Variants in ITIH5 observed in about 807,000 individuals in gnomAD.
The protein encoded by ITIH5 is inter-alpha-trypsin inhibitor heavy chain 5, also known as inter-alpha-trypsin inhibitor heavy chain H5.
In ITIH5, 65 loss-of-function variants were observed where a neutral mutation model predicts 77.5. The ratio of observed to expected loss-of-function variants is 0.84; its 90% CI spans 0.69 to 1.03. ITIH5 has a LOEUF of 1.03. ITIH5 is among the 50% of genes least tolerant of loss of function. The probability of loss-of-function intolerance (pLI) is 0.00; values close to 1 mark genes in which losing one functional copy is unlikely to be tolerated. For missense variants in ITIH5, 1,208 were observed against 1,213.1 expected (o/e 1.00, Z 0.06); for synonymous variants, 525 against 494.3 (o/e 1.06, Z -0.82).
At chr10:7,595,510 A>G (rs1254508560) in intron 7 of ITIH5, among the ~76,000 whole-genome samples, 1 of 152,178 alleles carries the variant, frequency 6.6e-6, no homozygotes, top group African/African-American at 2.4e-5. Flanking sequence ...CACAAAGGAT[A>G]GAGATTACTC....
At chr10:7,646,020 T>A (rs896295852) in intron 2 of ITIH5, among the ~76,000 whole-genome samples, 1 of 152,250 alleles carries the variant, frequency 6.6e-6, no homozygotes, top group Non-Finnish European at 1.5e-5. Context: ...CTGTGTTATT[T>A]CTGGAACAGG....
At chr10:7,575,700 G>C (rs993360042) in intron 10 of ITIH5, among the ~76,000 whole-genome samples, 1 of 151,982 alleles carries the variant, frequency 6.6e-6, no homozygotes, top group African/African-American at 2.4e-5. Context: ...TCCGTACCTT[G>C]GTCCTTCCCA....
intron 7 of ITIH5, among the ~76,000 whole-genome samples, chr10:7,615,598 G>C (rs755578266): frequency 3.3e-5 from 5 of 152,150 alleles, no homozygotes; most frequent in Non-Finnish European, 7.4e-5. Flanking sequence ...TGTGACCTGA[G>C]TTCTTTATTC....
At chr10:7,581,873 T>A (rs1325146758) in intron 8 of ITIH5, among the ~76,000 whole-genome samples, 3 of 89,586 alleles carry the variant, frequency 3.3e-5, no homozygotes, top group East Asian at 2.7e-4. Context: ...CCCATGTATT[T>A]TTTTTTTTTT....
rs180797664 is a variant in ITIH5 at position 7,612,933 on chromosome 10, G to A, written c.939+3049C>T. ...AATGTCACAAAACAACTTGGTCAAC[G>A]AATGGCATTTAAGAACTTGTAGTAC... On this transcript the variant is annotated intron_variant, in intron 7 of 13. Coordinates refer to ENST00000397146, the MANE Select transcript of ITIH5 (RefSeq NM_030569.7). Among the ~76,000 whole-genome samples, 727 of 152,254 alleles carry A rather than the reference G, an allele frequency of 4.8e-3. 18 individuals carry two copies. Among genetic ancestry groups the A allele is most frequent in the Admixed American group, 0.024 (360 of 15,276 alleles).
chr10:7,581,244 A>G (rs1232682260), intron 8 of ITIH5, among the ~76,000 whole-genome samples: 2 of 151,994 alleles, frequency 1.3e-5, no homozygotes, highest in African/African-American at 4.8e-5. Context: ...TGGGAAACAG[A>G]GTGAGACGCG....
intron 7 of ITIH5, among the ~76,000 whole-genome samples, chr10:7,586,310 C>T (rs1033714463): frequency 1.3e-5 from 2 of 152,186 alleles, no homozygotes; most frequent in Non-Finnish European, 2.9e-5. Flanking sequence ...CGCCACGGTA[C>T]TTCGGGCCTC....
chr10:7,569,969 C>A, intron 11 of ITIH5, 185 bp from the exon 12 acceptor site: 2 of 509,566 alleles, frequency 3.9e-6, no homozygotes, highest in Non-Finnish European at 6.9e-6. Flanking sequence ...CCCAGAATTA[C>A]CCAGTGAGTT....
intron 7 of ITIH5, among the ~76,000 whole-genome samples, chr10:7,614,398 C>T (rs1833321837): frequency 6.6e-6 from 1 of 152,248 alleles, no homozygotes; most frequent in African/African-American, 2.4e-5. Context: ...GGCCCACAGG[C>T]CACATGCAGC....
In ITIH5 at chr10:7,563,088, G is replaced by A. The variant is rs1832069168; in HGVS notation, c.2824C>T (p.Leu942Phe). Reference protein sequence around the residue: ...MTLGRGMSREL With the variant: ...MTLGRGMSREF ...CATCTTTAAGGCTGCCAGCTTCAGA[G>A]CTCCCTGGACATTCCCCGGCCAAGT... The change falls in exon 14 of 14, where the codon CTC (leucine) becomes TTC (phenylalanine). Residue 942 changes from leucine to phenylalanine, a missense_variant. Coordinates refer to ENST00000397146, the MANE Select transcript of ITIH5 (RefSeq NM_030569.7). 1 of 1,612,778 alleles carries A rather than the reference G, an allele frequency of 6.2e-7. No homozygotes were observed. The highest frequency in any genetic ancestry group is 8.5e-7 in the Non-Finnish European group (1 of 1,179,480).
chr10:7,564,523 G>A (rs1832101244), intron 13 of ITIH5, among the ~76,000 whole-genome samples: 1 of 152,078 alleles, frequency 6.6e-6, no homozygotes, highest in Admixed American at 6.5e-5. Flanking sequence ...ATTGCCTGCA[G>A]TAGTCCATGC....
At chr10:7,571,880 T>C (rs536120863) in intron 11 of ITIH5, 1 of 713,512 alleles carries the variant, frequency 1.4e-6, no homozygotes, top group African/African-American at 1.9e-5. Flanking sequence ...ATTTTTGATC[T>C]GTTGTTGGTT....
chr10:7,628,694 T>C (rs1339855358), intron 5 of ITIH5, among the ~76,000 whole-genome samples: 1 of 129,966 alleles, frequency 7.7e-6, no homozygotes, highest in Non-Finnish European at 1.8e-5. Context: ...CGTGTGTCCA[T>C]GTTGCAGCGT....
intron 7 of ITIH5, among the ~76,000 whole-genome samples, chr10:7,606,975 A>C (rs1833138586): frequency 6.6e-6 from 1 of 152,136 alleles, no homozygotes; most frequent in Non-Finnish European, 1.5e-5. Context: ...ATCATTTATT[A>C]CCTCATATTC....
chr10:7,648,994 ACAG>A (rs1419798239), intron 2 of ITIH5, among the ~76,000 whole-genome samples: 6 of 152,232 alleles, frequency 3.9e-5, no homozygotes, highest in African/African-American at 1.4e-4. Flanking sequence ...CTGACATACC[ACAG>A]CCTGGCCCTT....
At chr10:7,649,164 T>TCCTTCC (rs1222931121) in intron 2 of ITIH5, among the ~76,000 whole-genome samples, 3 of 152,074 alleles carry the variant, frequency 2.0e-5, no homozygotes, top group Admixed American at 1.3e-4. Flanking sequence ...GTTGTCCTTC[T>TCCTTCC]CCTTCCCCTT....
At chr10:7,572,532 A>T in intron 11 of ITIH5, 3 of 1,191,086 alleles carry the variant, frequency 2.5e-6, no homozygotes, top group Non-Finnish European at 3.2e-6. Context: ...AATGTCTTCT[A>T]AACTCAATGA....
chr10:7,594,098 G>C (rs1467635064), intron 7 of ITIH5, among the ~76,000 whole-genome samples: 2 of 152,232 alleles, frequency 1.3e-5, no homozygotes, highest in Admixed American at 1.3e-4. Flanking sequence ...CAGAGAACAG[G>C]GTAAGCACAT....
intron 11 of ITIH5, among the ~76,000 whole-genome samples, chr10:7,570,923 C>T (rs1005801073): frequency 6.6e-6 from 1 of 152,198 alleles, no homozygotes; most frequent in Non-Finnish European, 1.5e-5. Flanking sequence ...CACCGGCCTA[C>T]AACTTGTTTC....
Sources: gnomAD v4.1 joint callset for allele counts (sites outside exome capture counted in the v4.1 genomes callset) on GRCh38, gnomAD v4.1.1 for gene constraint, MANE v1.5 for transcripts, NCBI Gene and HGNC (gene_info 2026-07-23, HGNC 2026-07-21) for gene names.